The following YPEL1 variants were observed in gnomAD, a reference collection of about 807,000 sequenced individuals.
YPEL1 encodes the protein yippee like 1.
In YPEL1, 7 loss-of-function variants were observed where a neutral mutation model predicts 17.3. That is an observed-to-expected ratio of 0.40 (90% CI 0.23 to 0.76). YPEL1 has a LOEUF of 0.76. Among genes scored for constraint, YPEL1 ranks in the 30% least tolerant of loss-of-function variants. YPEL1 has a pLI of 0.35. For synonymous variants in YPEL1, 59 were observed against 59.6 expected (o/e 0.99, Z 0.05); for missense variants, 91 against 155.5 (o/e 0.59, Z 2.21).
At position 21,703,893 on chromosome 22, in the gene YPEL1, A is replaced by G. The variant is rs753671458; in HGVS notation, c.118-11T>C. On this transcript the variant is annotated splice_polypyrimidine_tract_variant and intron_variant, in intron 2 of 4. Transcript: ENST00000339468. This position sits in a 1 kb window ranked among gnomAD's most constrained non-coding sequence, Gnocchi z 6.1. The stretch of plus-strand genomic sequence containing the variant: ...GCTCCCCTGAAAGGACTGAAAGAAG[A>G]AGGTCCCGTGAGATTGGCTGCGAGT... 2.5e-6 allele frequency: 4 copies of G among 1,592,360 alleles called. No individual in the cohort carries two copies. The highest frequency in any genetic ancestry group is 1.1e-5 in the South Asian group (1 of 87,626).
intron 1 of YPEL1, among the ~76,000 whole-genome samples, chr22:21,711,742 G>A (rs189868022): frequency 1.1e-3 from 175 of 152,274 alleles, no homozygotes; most frequent in Middle Eastern, 3.4e-3. Context: ...ACCTAAATGT[G>A]AGAGCTAAGA....
Position 21,701,008 on chromosome 22 carries a change from G to T in YPEL1, c.*121C>A. 1.3e-6 allele frequency: 1 copy of T among 797,470 alleles called. No individual in the cohort carries two copies. The highest frequency in any genetic ancestry group is 2.1e-6 in the Non-Finnish European group (1 of 482,228). 49.4% of individuals were successfully genotyped at this position (797,470 alleles called of 1,614,324 possible). A position where few individuals can be genotyped will look rare whatever the true frequency, so the allele number is the denominator to read the frequency against. Reference sequence around the variant, plus strand: ...GATGGCCGAGAGTGTCAAGAGCTATGCGCAGCTAGCCTTTGAGGTCAGAGG... The same window carrying T: ...GATGGCCGAGAGTGTCAAGAGCTATTCGCAGCTAGCCTTTGAGGTCAGAGG... On this transcript the variant is annotated 3_prime_UTR_variant, in exon 5 of 5. Coordinates refer to ENST00000339468, the MANE Select transcript of YPEL1 (RefSeq NM_013313.5).
At chr22:21,731,380 CTAGCCTTGT>C (rs2148616126) in intron 1 of YPEL1, among the ~76,000 whole-genome samples, 1 of 151,558 alleles carries the variant, frequency 6.6e-6, no homozygotes, top group South Asian at 2.1e-4. Context: ...ATGTGCAACA[CTAGCCTTGT>C]TAGGTTGAAA....
At chr22:21,731,681 G>A (rs2148616340) in intron 1 of YPEL1, among the ~76,000 whole-genome samples, 1 of 152,234 alleles carries the variant, frequency 6.6e-6, no homozygotes, top group Admixed American at 6.5e-5. Context: ...TTGGCAACAG[G>A]GATGTCATCA....
chr22:21,705,889 G>C (rs554006107), intron 2 of YPEL1, among the ~76,000 whole-genome samples: 7 of 151,416 alleles, frequency 4.6e-5, no homozygotes, highest in Non-Finnish European at 8.8e-5. Flanking sequence ...CAGCACTTTG[G>C]GGGGCCGAGG....
chr22:21,719,322 C>G (rs1169032213), intron 1 of YPEL1, among the ~76,000 whole-genome samples: 1 of 152,228 alleles, frequency 6.6e-6, no homozygotes, highest in Non-Finnish European at 1.5e-5. Flanking sequence ...TCACTTCTTA[C>G]TGAACTCATG....
intron 1 of YPEL1, among the ~76,000 whole-genome samples, chr22:21,718,049 T>G (rs1211298437): frequency 6.6e-6 from 1 of 151,180 alleles, no homozygotes; most frequent in Non-Finnish European, 1.5e-5. Flanking sequence ...GAGGATTGCT[T>G]GAGCCCAAGG....
intron 1 of YPEL1, among the ~76,000 whole-genome samples, chr22:21,726,350 T>G (rs1208395881): frequency 1.3e-5 from 2 of 152,196 alleles, no homozygotes; most frequent in Non-Finnish European, 2.9e-5. Context: ...GCCCTTTACA[T>G]CATGCATCTG....
chr22:21,725,191 G>A (rs981896881), intron 1 of YPEL1, among the ~76,000 whole-genome samples: 2 of 150,410 alleles, frequency 1.3e-5, no homozygotes, highest in African/African-American at 4.9e-5. Context: ...TTACAGGCAT[G>A]AGCCACCATA....
intron 1 of YPEL1, among the ~76,000 whole-genome samples, chr22:21,727,010 C>G (rs1326821615): frequency 6.6e-6 from 1 of 152,210 alleles, no homozygotes; most frequent in African/African-American, 2.4e-5. Flanking sequence ...CCCAAGCACA[C>G]TTCGCATGGG....
chr22:21,700,990 G>GA lies in YPEL1; in HGVS notation c.*138dup. The GA allele has an allele frequency of 1.5e-6, 1 of 648,286 alleles. No homozygotes were observed. The highest frequency in any genetic ancestry group is 2.7e-5 in the Admixed American group (1 of 37,332). 40.2% of individuals were successfully genotyped at this position (648,286 alleles called of 1,614,324 possible). On this transcript the variant is annotated 3_prime_UTR_variant, in exon 5 of 5. Coordinates refer to ENST00000339468, the MANE Select transcript of YPEL1 (RefSeq NM_013313.5). ...GGACACCTTACCCACAGAGATGGCCGAGAGTGTCAAGAGCTATGCGCAGCT... is the reference window on the plus strand; with the variant it reads ...GGACACCTTACCCACAGAGATGGCCGAAGAGTGTCAAGAGCTATGCGCAGCT...
chr22:21,705,786 T>A (rs1233313107), intron 2 of YPEL1, among the ~76,000 whole-genome samples: 2 of 151,606 alleles, frequency 1.3e-5, no homozygotes, highest in Non-Finnish European at 2.9e-5. Flanking sequence ...AGAGCCATGA[T>A]TACACCACTG....
intron 4 of YPEL1, 78 bp from the exon 5 acceptor site, chr22:21,701,296 C>T (rs555183128): frequency 3.8e-6 from 4 of 1,054,558 alleles, no homozygotes; most frequent in East Asian, 2.5e-5. Context: ...CAAAAACCCC[C>T]CCCAAGTCTA....
rs772293957 is a variant in YPEL1, at chr22:21,710,951, T to G, written c.-164-43A>C. On this transcript the variant is annotated intron_variant, in intron 1 of 4. Coordinates refer to ENST00000339468, the MANE Select transcript of YPEL1 (RefSeq NM_013313.5). Reference sequence around the variant, plus strand: ...AAAGTGGTGGGTTACAGAGAGAACATGCGTGTGAAGCAGGTACATATGGGA... The same window carrying G: ...AAAGTGGTGGGTTACAGAGAGAACAGGCGTGTGAAGCAGGTACATATGGGA... 5 of 587,378 alleles carry G rather than the reference T, an allele frequency of 8.5e-6. No individual in the cohort carries two copies. The African/African-American group carries it at 9.3e-5, about 11-fold the overall frequency. 36.4% of individuals were successfully genotyped at this position (587,378 alleles called of 1,614,324 possible). A position where few individuals can be genotyped will look rare whatever the true frequency, so the allele number is the denominator to read the frequency against.
chr22:21,717,228 T>G (rs997047592), intron 1 of YPEL1, among the ~76,000 whole-genome samples: 7 of 151,738 alleles, frequency 4.6e-5, no homozygotes, highest in African/African-American at 1.7e-4. Context: ...ATACAAAAAT[T>G]AGCCGGGCGT....
At chr22:21,701,351 T>G in intron 4 of YPEL1, 133 bp from the exon 5 acceptor site, 2 of 619,796 alleles carry the variant, frequency 3.2e-6, no homozygotes, top group African/African-American at 3.7e-5. Flanking sequence ...GGTGCACTCA[T>G]CCGGCGCTGG....
chr22:21,718,106 G>A (rs1247599006), intron 1 of YPEL1, among the ~76,000 whole-genome samples: 6 of 148,028 alleles, frequency 4.1e-5, no homozygotes, highest in Non-Finnish European at 8.9e-5. Flanking sequence ...ACTTAGCCTA[G>A]GTAATGAGTG....
At position 21,701,055 on chromosome 22, in the gene YPEL1, T is replaced by C. The variant is rs2068060367; in HGVS notation, c.*74A>G. ...GAGGGCAAGAAAGGCTGTCACCAGA[T>C]GCTCCTACGTTTCCATTACATTCAC... On this transcript the variant is annotated 3_prime_UTR_variant, in exon 5 of 5. Transcript: ENST00000339468. 1 of 1,368,822 alleles carries C rather than the reference T, an allele frequency of 7.3e-7. No individual in the cohort carries two copies. The highest frequency in any genetic ancestry group is 1.0e-6 in the Non-Finnish European group (1 of 963,252). The allele number at this position is 1,368,822 out of a possible 1,614,324, so 84.8% of individuals were successfully genotyped here.
In YPEL1 at chr22:21,707,069, G is replaced by A. The variant is rs1014828348; in HGVS notation, c.118-3187C>T. Among the ~76,000 whole-genome samples, 7 of 152,076 alleles carry A rather than the reference G, an allele frequency of 4.6e-5. No homozygotes were observed. In the East Asian group the frequency reaches 9.7e-4, roughly 21 times the overall value. Reference sequence around the variant, plus strand: ...GCAGGAGGAAGAAGCAAGTCTCCTCGTTTACACATACACATTATTTTAATG... The same window carrying A: ...GCAGGAGGAAGAAGCAAGTCTCCTCATTTACACATACACATTATTTTAATG... On this transcript the variant is annotated intron_variant, in intron 2 of 4. Transcript: ENST00000339468.
Sources: allele counts gnomAD v4.1 joint callset (sites outside exome capture counted in the v4.1 genomes callset), GRCh38; gene constraint gnomAD v4.1.1; non-coding constraint Gnocchi (gnomAD v3.1); transcripts MANE v1.5; gene names NCBI Gene and HGNC (gene_info 2026-07-23, HGNC 2026-07-21).